Variants in ARHGAP6 observed in about 807,000 individuals in gnomAD.
The protein encoded by ARHGAP6 is rho GTPase-activating protein 6.
In ARHGAP6, 16 loss-of-function variants were observed where a neutral mutation model predicts 55.7. The observed-to-expected ratio is 0.29, with a 90% CI of 0.19 to 0.44. The LOEUF (loss-of-function observed/expected upper bound fraction) is 0.44. Among genes scored for constraint, ARHGAP6 ranks in the 20% least tolerant of loss-of-function variants. The probability of loss-of-function intolerance (pLI) is 1.00; values close to 1 mark genes in which losing one functional copy is unlikely to be tolerated. For synonymous variants in ARHGAP6, 382 were observed against 360.9 expected, an observed-to-expected ratio of 1.06 and a Z score of -0.66; for missense variants, 698 against 808.9, an observed-to-expected ratio of 0.86 and a Z score of 1.66.
In ARHGAP6 at chrX:11,231,266, C is replaced by T. The variant is rs369768925; in HGVS notation, c.748+23282G>A. Among the ~76,000 whole-genome samples, 41 of 112,017 alleles carry T rather than the reference C, an allele frequency of 3.7e-4. 1 individual carries two copies. Among genetic ancestry groups the T allele is most frequent in the African/African-American group, 1.1e-3 (33 of 30,811 alleles). On this transcript the variant is annotated intron_variant, in intron 2 of 12. Transcript: ENST00000337414. The stretch of plus-strand genomic sequence containing the variant: ...TTTTCTTTTATTCCATAATAAACAC[C>T]CGCTTTGAAGAATGGCTGATATCAA...
intron 2 of ARHGAP6, among the ~76,000 whole-genome samples, chrX:11,246,960 C>A (rs1327711698): frequency 8.9e-6 from 1 of 111,794 alleles, no homozygotes; most frequent in Non-Finnish European, 1.9e-5. Flanking sequence ...ATATAAACAC[C>A]CAATCTCAAT....
At chrX:11,575,643 G>A (rs1318599028) in intron 1 of ARHGAP6, among the ~76,000 whole-genome samples, 1 of 112,211 alleles carries the variant, frequency 8.9e-6, no homozygotes, top group Non-Finnish European at 1.9e-5. Context: ...GTTAGCATAT[G>A]TTGGCTACTC....
intron 1 of ARHGAP6, among the ~76,000 whole-genome samples, chrX:11,500,143 C>A (rs1457012746): frequency 9.0e-6 from 1 of 111,252 alleles, no homozygotes; most frequent in East Asian, 2.8e-4. Context: ...CATTGAGCCA[C>A]CTGAACCACT....
intron 1 of ARHGAP6, among the ~76,000 whole-genome samples, chrX:11,404,327 A>G (rs2049585406): frequency 9.0e-6 from 1 of 111,597 alleles, no homozygotes; most frequent in Non-Finnish European, 1.9e-5. Context: ...ATCCGATTCT[A>G]CATAATCCAG....
rs752932331 is a variant in ARHGAP6 at position 11,215,638 on chromosome X, A to G, written c.749-18642T>C. Among the ~76,000 whole-genome samples the G allele has an allele frequency of 1.2e-4, 14 of 112,954 alleles. No individual in the cohort carries two copies. In the South Asian group the frequency reaches 1.5e-3, roughly 12 times the overall value. On this transcript the variant is annotated intron_variant, in intron 2 of 12. Coordinates refer to ENST00000337414, the MANE Select transcript of ARHGAP6 (RefSeq NM_013427.3). Reference sequence around the variant, plus strand: ...CTCTAACATCCGAGGACAACCAGCCATGGAGCCCGTGGGCAGGAAGCTCAT... The same window carrying G: ...CTCTAACATCCGAGGACAACCAGCCGTGGAGCCCGTGGGCAGGAAGCTCAT...
chrX:11,298,066 C>T, intron 1 of ARHGAP6: 4 of 1,198,197 alleles, frequency 3.3e-6, no homozygotes, highest in Non-Finnish European at 4.5e-6. Flanking sequence ...ACACAGGAAG[C>T]ACCCAACAAA....
At chrX:11,245,540 T>A (rs1002767345) in intron 2 of ARHGAP6, among the ~76,000 whole-genome samples, 2 of 112,095 alleles carry the variant, frequency 1.8e-5, no homozygotes, top group Non-Finnish European at 3.8e-5. Flanking sequence ...ATACTGATAT[T>A]TTTGTTGCTT....
intron 1 of ARHGAP6, among the ~76,000 whole-genome samples, chrX:11,411,187 A>T (rs1490067862): frequency 1.8e-5 from 1 of 54,740 alleles, no homozygotes; most frequent in Non-Finnish European, 3.2e-5. Flanking sequence ...CATTATTTAT[A>T]TATATATATA....
At chrX:11,303,526 T>G (rs374180010) in intron 1 of ARHGAP6, among the ~76,000 whole-genome samples, 7 of 112,503 alleles carry the variant, frequency 6.2e-5, no homozygotes, top group African/African-American at 2.3e-4. Flanking sequence ...AAAGCCCATT[T>G]GCAAATATCA....
intron 1 of ARHGAP6, among the ~76,000 whole-genome samples, chrX:11,270,747 T>C (rs763710086): frequency 4.6e-4 from 51 of 111,338 alleles, no homozygotes; most frequent in Non-Finnish European, 8.3e-4. Flanking sequence ...AAGAAGCGAG[T>C]CTAGGCAGCA....
intron 1 of ARHGAP6, among the ~76,000 whole-genome samples, chrX:11,614,763 G>T (rs980377578): frequency 8.9e-6 from 1 of 111,949 alleles, no homozygotes; most frequent in Admixed American, 9.4e-5. Context: ...CGCCACCAAG[G>T]GGGTAAAAAT....
chrX:11,325,009 C>T (rs1401149803), intron 1 of ARHGAP6, among the ~76,000 whole-genome samples: 7 of 110,941 alleles, frequency 6.3e-5, no homozygotes, highest in African/African-American at 2.3e-4. Context: ...CAGGCGCCCG[C>T]CACCGCGCCC....
intron 1 of ARHGAP6, among the ~76,000 whole-genome samples, chrX:11,644,279 A>C (rs1285392552): frequency 2.7e-5 from 3 of 110,762 alleles, no homozygotes; most frequent in African/African-American, 9.9e-5. Flanking sequence ...CAAGCTCCAG[A>C]TGCTATAATT....
chrX:11,302,155 C>T (rs1017368043), intron 1 of ARHGAP6, among the ~76,000 whole-genome samples: 2 of 112,047 alleles, frequency 1.8e-5, no homozygotes, highest in East Asian at 2.8e-4. Flanking sequence ...TCAATTCCTC[C>T]GTCATAGTAG....
Position 11,461,740 on chromosome X carries a change from A to G in ARHGAP6, c.588+202501T>C, listed in dbSNP as rs752274776. ...AAGACAGTTCAGCAGAACATTATCA[A>G]GGAAACCACATTCCTATCTTGTAGG... On this transcript the variant is annotated intron_variant, in intron 1 of 12. Coordinates refer to ENST00000337414, the MANE Select transcript of ARHGAP6 (RefSeq NM_013427.3). Among the ~76,000 whole-genome samples the G allele has an allele frequency of 2.7e-3, 298 of 112,363 alleles. 1 individual carries two copies. Among genetic ancestry groups the G allele is most frequent in the Middle Eastern group, 0.023 (5 of 216 alleles).
intron 3 of ARHGAP6, among the ~76,000 whole-genome samples, chrX:11,193,947 C>T (rs1013098117): frequency 2.7e-5 from 3 of 112,652 alleles, no homozygotes; most frequent in African/African-American, 9.6e-5. Context: ...CTTAGTCTAG[C>T]CAAATGGACA....
chrX:11,222,770 GCTTTA>G (rs958460179), intron 2 of ARHGAP6, among the ~76,000 whole-genome samples: 5 of 111,813 alleles, frequency 4.5e-5, no homozygotes, highest in African/African-American at 1.6e-4. Context: ...ACTTTTATGT[GCTTTA>G]CTTAATGAGT....
At chrX:11,420,220 T>A (rs185338701) in intron 1 of ARHGAP6, among the ~76,000 whole-genome samples, 2 of 112,369 alleles carry the variant, frequency 1.8e-5, no homozygotes, top group East Asian at 5.5e-4. Context: ...ACATAATGAC[T>A]GGTGGGAGTC....
intron 2 of ARHGAP6, among the ~76,000 whole-genome samples, chrX:11,245,424 G>A (rs2047340014): frequency 9.0e-6 from 1 of 111,567 alleles, no homozygotes; most frequent in African/African-American, 3.3e-5. Context: ...AGATACTCAG[G>A]TATGGCTCTA....
Sources: allele counts gnomAD v4.1 joint callset (sites outside exome capture counted in the v4.1 genomes callset), GRCh38; gene constraint gnomAD v4.1.1; transcripts MANE v1.5; gene names NCBI Gene and HGNC (gene_info 2026-07-23, HGNC 2026-07-21).